The following DPP10 variants were observed in gnomAD, a reference collection of about 807,000 sequenced individuals.
DPP10 encodes the protein dipeptidyl peptidase like 10, also known as inactive dipeptidyl peptidase 10.
Under a neutral mutation model 120.9 loss-of-function variants are expected in DPP10, and 33 were observed. The observed-to-expected ratio is 0.27, with a 90% CI of 0.21 to 0.37. DPP10 has a LOEUF of 0.37. DPP10 is among the 10% of genes least tolerant of loss of function. The pLI, the probability that DPP10 is intolerant of heterozygous loss-of-function variation, is 1.00. For missense variants in DPP10, 816 were observed against 942.8 expected (o/e 0.87, Z 1.76); for synonymous variants, 337 against 326.1 (o/e 1.03, Z -0.36).
Position 114,831,959 on chromosome 2 carries a change from T to C in DPP10, c.60+389121T>C, listed in dbSNP as rs1574293660. 3.3e-5 allele frequency among the ~76,000 whole-genome samples: 5 copies of C among 150,962 alleles called. 1 individual carries two copies. The Middle Eastern group carries it at 0.017, about 524-fold the overall frequency. On this transcript the variant is annotated intron_variant, in intron 1 of 25. Coordinates refer to ENST00000410059, the MANE Select transcript of DPP10 (RefSeq NM_020868.6). ...TCTCTTCTCTCTCTTTTTTTAAATATGTGCTTAATATATTCCTATCTTCCC... is the reference window on the plus strand; with the variant it reads ...TCTCTTCTCTCTCTTTTTTTAAATACGTGCTTAATATATTCCTATCTTCCC...
At chr2:115,332,232 C>G (rs978727774) in intron 2 of DPP10, among the ~76,000 whole-genome samples, 2 of 152,144 alleles carry the variant, frequency 1.3e-5, no homozygotes, top group South Asian at 2.1e-4. Flanking sequence ...ATAGTATTCT[C>G]TGATGGTAGT....
chr2:114,462,260 TATA>T lies in DPP10; in HGVS notation c.60+19423_60+19425del, dbSNP rs1190492645. ...CCCTATTGCTAATATTTTACACTACTATAGTACATTTGTCACAATGAGGAATAA... is the reference window on the plus strand; with the variant it reads ...CCCTATTGCTAATATTTTACACTACTGTACATTTGTCACAATGAGGAATAA... On this transcript the variant is annotated intron_variant, in intron 1 of 25. Transcript: ENST00000410059. The T allele has an allele frequency of 1.0e-5, 5 of 484,118 alleles. No individual in the cohort carries two copies. The African/African-American group carries it at 1.1e-4, about 10-fold the overall frequency. 30.0% of individuals were successfully genotyped at this position (484,118 alleles called of 1,614,324 possible).
rs1681936936 is a variant in DPP10, at chr2:115,775,104, AC to A, written c.1222-2103del. Among the ~76,000 whole-genome samples, 4 of 152,250 alleles carry A rather than the reference AC, an allele frequency of 2.6e-5. No individual in the cohort carries two copies. In the East Asian group the frequency reaches 7.7e-4, roughly 29 times the overall value. On this transcript the variant is annotated intron_variant, in intron 13 of 25. Transcript: ENST00000410059. ...TACTACATATACGAAAATATGCAAT[AC>A]ATATAAACAACAGTTTTTAATATAT... is the stretch of plus-strand genomic sequence containing the variant.
intron 3 of DPP10, among the ~76,000 whole-genome samples, chr2:115,442,285 G>A (rs1171864377): frequency 6.6e-6 from 1 of 151,980 alleles, no homozygotes; most frequent in African/African-American, 2.4e-5. Context: ...TCCTTGATCA[G>A]ATATCCAGGT....
At chr2:115,382,222 T>C (rs1268006339) in intron 3 of DPP10, among the ~76,000 whole-genome samples, 3 of 152,188 alleles carry the variant, frequency 2.0e-5, no homozygotes, top group Non-Finnish European at 4.4e-5. Flanking sequence ...TCTGTGGGCA[T>C]AGGACCCTCT....
chr2:115,605,571 C>T (rs75532193), intron 5 of DPP10, among the ~76,000 whole-genome samples: 34 of 152,008 alleles, frequency 2.2e-4, no homozygotes, highest in African/African-American at 8.2e-4. Flanking sequence ...GTAGAATGAA[C>T]TACAGATAAG....
chr2:114,834,459 CAGCCATATCTACACACCTATGTATATATA>C (rs1687459159), intron 1 of DPP10, among the ~76,000 whole-genome samples: 3 of 111,344 alleles, frequency 2.7e-5, no homozygotes, highest in African/African-American at 6.8e-5. Flanking sequence ...ATGTACATAT[CAGCCATATCTACACACCTATGTATATATA>C]AGCCATATCT....
intron 1 of DPP10, among the ~76,000 whole-genome samples, chr2:115,041,230 C>T (rs927178580): frequency 1.3e-5 from 2 of 151,970 alleles, no homozygotes; most frequent in African/African-American, 4.8e-5. Context: ...TACCCAGTCT[C>T]GGGTATGTCT....
chr2:115,573,589 T>TTG (rs2081474677), intron 5 of DPP10, among the ~76,000 whole-genome samples: 2 of 135,418 alleles, frequency 1.5e-5, no homozygotes, highest in South Asian at 5.1e-4. Context: ...GCCTTTTTTT[T>TTG]TTTTTTTTTT....
intron 1 of DPP10, among the ~76,000 whole-genome samples, chr2:115,197,882 T>C (rs931133767): frequency 2.0e-5 from 3 of 152,220 alleles, no homozygotes; most frequent in Admixed American, 1.3e-4. Context: ...ATTTTCAGAA[T>C]CTTATTACCA....
At chr2:115,176,563 T>C (rs2053706533) in intron 1 of DPP10, among the ~76,000 whole-genome samples, 1 of 152,102 alleles carries the variant, frequency 6.6e-6, no homozygotes, top group African/African-American at 2.4e-5. Context: ...ACTTCTTTCC[T>C]GTTATTAAGT....
rs1382718784 is a variant in DPP10 at position 115,815,131 on chromosome 2, T to C, written c.1895+144T>C. On this transcript the variant is annotated intron_variant, in intron 20 of 25. Transcript: ENST00000410059. ...AGTTAATCATAAAGCCTATTTCATT[T>C]TTTTTTTGAAGTACCTGTCACCCTT... The C allele has an allele frequency of 3.9e-6, 3 of 772,668 alleles. No individual in the cohort carries two copies. In the East Asian group the frequency reaches 8.7e-5, roughly 22 times the overall value. The allele number at this position is 772,668 out of a possible 1,614,324, so 47.9% of individuals were successfully genotyped here.
chr2:115,725,396 T>G (rs959826442), intron 7 of DPP10, among the ~76,000 whole-genome samples: 3 of 152,222 alleles, frequency 2.0e-5, no homozygotes, highest in Non-Finnish European at 4.4e-5. Flanking sequence ...AGACAGCTAC[T>G]TATTTTTTAT....
At chr2:114,475,623 AT>A (rs1389672887) in intron 1 of DPP10, among the ~76,000 whole-genome samples, 1 of 152,152 alleles carries the variant, frequency 6.6e-6, no homozygotes, top group African/African-American at 2.4e-5. Context: ...GAATATTAAC[AT>A]TTTTTAAAGA....
At chr2:115,597,131 G>T (rs1380515775) in intron 5 of DPP10, among the ~76,000 whole-genome samples, 1 of 151,920 alleles carries the variant, frequency 6.6e-6, no homozygotes, top group Non-Finnish European at 1.5e-5. Flanking sequence ...CCCCAAAAGA[G>T]ACAAACACAA....
chr2:114,663,260 C>A (rs868857564), intron 1 of DPP10, among the ~76,000 whole-genome samples: 11,285 of 142,918 alleles, frequency 0.079, 649 homozygotes, highest in Admixed American at 0.17. Context: ...ATATATATAT[C>A]TATATATATA....
intron 24 of DPP10, among the ~76,000 whole-genome samples, chr2:115,839,742 A>G (rs1364982825): frequency 1.3e-5 from 2 of 152,058 alleles, no homozygotes; most frequent in Non-Finnish European, 2.9e-5. Flanking sequence ...AACTACAGGA[A>G]TGAACACCCT....
At chr2:114,950,235 G>C (rs1697672984) in intron 1 of DPP10, among the ~76,000 whole-genome samples, 1 of 148,220 alleles carries the variant, frequency 6.7e-6, no homozygotes, top group African/African-American at 2.5e-5. Flanking sequence ...TGTCATTAAT[G>C]TCAAATTGCC....
intron 1 of DPP10, among the ~76,000 whole-genome samples, chr2:115,033,504 C>T (rs1466247911): frequency 6.6e-6 from 1 of 152,118 alleles, no homozygotes; most frequent in Non-Finnish European, 1.5e-5. Flanking sequence ...TTCCTCTGTG[C>T]CAAGGTCCTC....
Sources: allele counts gnomAD v4.1 joint callset (sites outside exome capture counted in the v4.1 genomes callset), GRCh38; gene constraint gnomAD v4.1.1; transcripts MANE v1.5; gene names NCBI Gene and HGNC (gene_info 2026-07-23, HGNC 2026-07-21).